Variants in CLVS1 observed in about 807,000 individuals in gnomAD.
CLVS1 encodes clavesin-1.
In CLVS1, 10 loss-of-function variants were observed where a neutral mutation model predicts 33.1. The ratio of observed to expected loss-of-function variants is 0.30; its 90% confidence interval spans 0.19 to 0.51. CLVS1 has a LOEUF of 0.51. Among genes scored for constraint, CLVS1 ranks in the 20% least tolerant of loss-of-function variants. The pLI is 0.97. For synonymous variants in CLVS1, 163 were observed against 166.1 expected (o/e 0.98, Z 0.14); for missense variants, 343 against 433.4 (o/e 0.79, Z 1.85).
chr8:61,112,582 G>A (rs140015747), intron 1 of CLVS1, among the ~76,000 whole-genome samples: 139 of 152,306 alleles, frequency 9.1e-4, no homozygotes, highest in Middle Eastern at 3.4e-3. Flanking sequence ...AGTGAATACT[G>A]GATATGTATT....
chr8:61,167,517 C>T (rs1038179827), intron 2 of CLVS1, among the ~76,000 whole-genome samples: 4 of 152,066 alleles, frequency 2.6e-5, no homozygotes, highest in African/African-American at 4.8e-5. Context: ...ACCCTTCAAG[C>T]CTCTACCTTC....
intron 2 of CLVS1, among the ~76,000 whole-genome samples, chr8:61,363,045 G>A (rs960678501): frequency 6.6e-6 from 1 of 152,146 alleles, no homozygotes; most frequent in Admixed American, 6.5e-5. Context: ...AGCAGGCAAG[G>A]ATTAAAGCAG....
At chr8:61,392,485 C>T (rs1814341937) in intron 3 of CLVS1, among the ~76,000 whole-genome samples, 1 of 152,194 alleles carries the variant, frequency 6.6e-6, no homozygotes, top group Non-Finnish European at 1.5e-5. Context: ...CCCATTTCTG[C>T]ATTCCCACTG....
At chr8:61,223,232 GGTT>G (rs1808258990) in intron 2 of CLVS1, among the ~76,000 whole-genome samples, 2 of 152,102 alleles carry the variant, frequency 1.3e-5, no homozygotes, top group African/African-American at 4.8e-5. Flanking sequence ...GATGCTATTT[GGTT>G]ATTTTGCACA....
At chr8:61,124,506 T>A (rs960192672) in intron 1 of CLVS1, among the ~76,000 whole-genome samples, 1 of 152,244 alleles carries the variant, frequency 6.6e-6, no homozygotes, top group Admixed American at 6.5e-5. Flanking sequence ...TAGTAGCTCC[T>A]GTGTCTTGTC....
chr8:61,109,681 A>G (rs1805593260), intron 1 of CLVS1, among the ~76,000 whole-genome samples: 1 of 152,154 alleles, frequency 6.6e-6, no homozygotes, highest in Non-Finnish European at 1.5e-5. Context: ...GGCTCTGAAG[A>G]GGCGATTGGA....
In CLVS1 at chr8:61,239,334, A is replaced by G. The variant is rs1387101834; in HGVS notation, c.-151-60343A>G. Among the ~76,000 whole-genome samples, 6 of 152,322 alleles carry G rather than the reference A, an allele frequency of 3.9e-5. No individual in the cohort carries two copies. The East Asian group carries it at 1.2e-3, about 29-fold the overall frequency. On this transcript the variant is annotated intron_variant, in intron 2 of 2. Coordinates refer to the CLVS1 transcript ENST00000522621. Reference sequence around the variant, plus strand: ...GTGGAATCACATGTAGAATTTCTGCATATTTCTTTTGTGATTTCTTTTATT... The same window carrying G: ...GTGGAATCACATGTAGAATTTCTGCGTATTTCTTTTGTGATTTCTTTTATT...
At chr8:61,075,834 T>G (rs1804899907) in intron 1 of CLVS1, among the ~76,000 whole-genome samples, 1 of 152,226 alleles carries the variant, frequency 6.6e-6, no homozygotes, top group South Asian at 2.1e-4. Context: ...ACTAACTTTT[T>G]CTCACACATC....
intron 2 of CLVS1, among the ~76,000 whole-genome samples, chr8:61,335,036 T>G (rs758400495): frequency 9.9e-5 from 15 of 151,960 alleles, no homozygotes; most frequent in African/African-American, 2.4e-4. Flanking sequence ...TCATAGGGAG[T>G]TGGAGCAGTC....
chr8:61,398,368 G>A (rs1017198325), intron 3 of CLVS1, among the ~76,000 whole-genome samples: 1 of 151,798 alleles, frequency 6.6e-6, no homozygotes, highest in Non-Finnish European at 1.5e-5. Context: ...TTTTGGTAGA[G>A]ACCGGGTTTC....
chr8:61,382,558 T>C (rs1244330802), intron 3 of CLVS1, among the ~76,000 whole-genome samples: 1 of 152,168 alleles, frequency 6.6e-6, no homozygotes, highest in African/African-American at 2.4e-5. Flanking sequence ...CTTCGGGTGA[T>C]TTGCATGCAT....
chr8:61,381,000 C>T (rs760730887), intron 3 of CLVS1, among the ~76,000 whole-genome samples: 1 of 152,090 alleles, frequency 6.6e-6, no homozygotes, highest in South Asian at 2.1e-4. Context: ...ATATTTGTTA[C>T]GGATTTAGAG....
chr8:61,206,306 G>GTA (rs1807839390), intron 2 of CLVS1, among the ~76,000 whole-genome samples: 1 of 152,184 alleles, frequency 6.6e-6, no homozygotes, highest in African/African-American at 2.4e-5. Context: ...AATCCAATGA[G>GTA]TATATATTCA....
At chr8:61,199,195 G>A (rs1292809661) in intron 2 of CLVS1, among the ~76,000 whole-genome samples, 6 of 152,042 alleles carry the variant, frequency 3.9e-5, no homozygotes, top group African/African-American at 1.4e-4. Flanking sequence ...ACATTGGCCT[G>A]GGCAAAGGAT....
chr8:61,105,868 C>T (rs1309765125), intron 1 of CLVS1, among the ~76,000 whole-genome samples: 1 of 152,006 alleles, frequency 6.6e-6, no homozygotes, highest in Non-Finnish European at 1.5e-5. Flanking sequence ...CCCGTCACAG[C>T]CCAAATTGGA....
intron 3 of CLVS1, among the ~76,000 whole-genome samples, chr8:61,416,698 A>G (rs1261320251): frequency 6.6e-6 from 1 of 152,216 alleles, no homozygotes; most frequent in Non-Finnish European, 1.5e-5. Flanking sequence ...CAATCAATGG[A>G]CAGAGCTTCC....
At chr8:61,367,039 T>A (rs1297513926) in intron 2 of CLVS1, among the ~76,000 whole-genome samples, 9 of 152,100 alleles carry the variant, frequency 5.9e-5, no homozygotes, top group Non-Finnish European at 8.8e-5. Flanking sequence ...CACACCCATA[T>A]CTAATTGGTA....
chr8:61,021,532 T>G, the CLVS1 span, among the ~76,000 whole-genome samples: 1 of 151,654 alleles, frequency 6.6e-6, no homozygotes, highest in Non-Finnish European at 1.5e-5. Flanking sequence ...TTTTTTTTTT[T>G]TGTATTTTTA....
the CLVS1 span, among the ~76,000 whole-genome samples, chr8:61,014,894 C>T: frequency 3.0e-4 from 45 of 152,304 alleles, no homozygotes; most frequent in African/African-American, 9.1e-4. Flanking sequence ...AGGTATGAAG[C>T]GTTCCTTAAG....
Sources: allele counts gnomAD v4.1 joint callset (sites outside exome capture counted in the v4.1 genomes callset), GRCh38; gene constraint gnomAD v4.1.1; transcripts MANE v1.5; gene names NCBI Gene and HGNC (gene_info 2026-07-23, HGNC 2026-07-21).